Variants in RETREG1 observed in about 807,000 individuals in gnomAD.
The protein encoded by RETREG1 is family with sequence similarity 134 member B.
RETREG1 carries 44 observed loss-of-function variants against 54.8 expected under a neutral mutation model. The observed-to-expected ratio is 0.80, with a 90% confidence interval of 0.63 to 1.03. RETREG1 has a LOEUF of 1.03. Among genes scored for constraint, RETREG1 ranks in the 50% least tolerant of loss-of-function variants. The pLI is 0.00. For synonymous variants in RETREG1, 217 were observed against 238.5 expected (o/e 0.91, Z 0.83); for missense variants, 554 against 605.1 (o/e 0.92, Z 0.89).
At chr5:16,548,490 A>C (rs950978685) in intron 3 of RETREG1, among the ~76,000 whole-genome samples, 1 of 152,248 alleles carries the variant, frequency 6.6e-6, no homozygotes, top group Non-Finnish European at 1.5e-5. Flanking sequence ...ATCCACAGAA[A>C]CATAAGCAAG....
intron 3 of RETREG1, among the ~76,000 whole-genome samples, chr5:16,547,357 G>T (rs1386752165): frequency 2.0e-5 from 3 of 152,176 alleles, no homozygotes; most frequent in Non-Finnish European, 4.4e-5. Flanking sequence ...GGAAAACATA[G>T]ATGACTAATG....
At chr5:16,613,892 C>A (rs1331023927) in intron 1 of RETREG1, among the ~76,000 whole-genome samples, 1 of 151,668 alleles carries the variant, frequency 6.6e-6, no homozygotes, top group African/African-American at 2.4e-5. Context: ...TTTTAACCCC[C>A]AGAGCAACAA....
rs114006533 is a variant in RETREG1, at chr5:16,478,486, C to T, written c.808+364G>A. On this transcript the variant is annotated intron_variant, in intron 6 of 8. Coordinates refer to ENST00000306320, the MANE Select transcript of RETREG1 (RefSeq NM_001034850.3). ...ATTCTAGTTTGAGAACCTATAAGGT[C>T]ATAAGCCAAGTTAAAAAGTAAGAGA... is the stretch of plus-strand genomic sequence containing the variant. 4.4e-3 allele frequency among the ~76,000 whole-genome samples: 667 copies of T among 152,188 alleles called. 5 individuals carry two copies. Among genetic ancestry groups the T allele is most frequent in the African/African-American group, 0.015 (606 of 41,534 alleles).
At chr5:16,502,730 C>T (rs1398203886) in intron 3 of RETREG1, among the ~76,000 whole-genome samples, 1 of 152,154 alleles carries the variant, frequency 6.6e-6, no homozygotes, top group Non-Finnish European at 1.5e-5. Context: ...ACAGCTATAA[C>T]ATCCTTTAGT....
Position 16,594,536 on chromosome 5 carries a change from C to A in RETREG1, c.320+22116G>T, listed in dbSNP as rs1308980843. On this transcript the variant is annotated intron_variant, in intron 1 of 8. Coordinates refer to ENST00000306320, the MANE Select transcript of RETREG1 (RefSeq NM_001034850.3). The surrounding 1 kb of genome is among the most constrained non-coding windows in gnomAD (Gnocchi z 4.4). ...ACTCAGGAGATCAAGACCAGCCTCACCAACATGGCAAAACCCCATCTCTAC... is the reference window on the plus strand; with the variant it reads ...ACTCAGGAGATCAAGACCAGCCTCAACAACATGGCAAAACCCCATCTCTAC... 6.6e-6 allele frequency among the ~76,000 whole-genome samples: 1 copy of A among 151,920 alleles called. No homozygotes were observed. Among genetic ancestry groups the A allele is most frequent in the Non-Finnish European group, 1.5e-5 (1 of 67,998 alleles).
chr5:16,538,774 G>T (rs911259689), intron 3 of RETREG1, among the ~76,000 whole-genome samples: 1 of 151,602 alleles, frequency 6.6e-6, no homozygotes, highest in Admixed American at 6.6e-5. Context: ...GCACGATCTC[G>T]GCTCACTGCA....
At chr5:16,598,068 C>T (rs1742950791) in intron 1 of RETREG1, among the ~76,000 whole-genome samples, 1 of 152,094 alleles carries the variant, frequency 6.6e-6, no homozygotes, top group Non-Finnish European at 1.5e-5. Context: ...CCTTCCATCT[C>T]CCCACCTCCC....
At chr5:16,569,666 A>G (rs551869617) in intron 2 of RETREG1, among the ~76,000 whole-genome samples, 5 of 152,330 alleles carry the variant, frequency 3.3e-5, no homozygotes, top group African/African-American at 9.6e-5. Flanking sequence ...TTCAGATGGT[A>G]TAGGAGGCTG....
In RETREG1 at chr5:16,580,107, C is replaced by G. The variant is rs537365817; in HGVS notation, c.321-8005G>C. 2.0e-5 allele frequency among the ~76,000 whole-genome samples: 3 copies of G among 152,332 alleles called. No homozygotes were observed. In the South Asian group the frequency reaches 6.2e-4, roughly 32 times the overall value. ...CTATGCAGTTTGTTCTTGTTTGACA[C>G]GTCCTACATTCAAACCTATGGACTT... On this transcript the variant is annotated intron_variant, in intron 1 of 8. Coordinates refer to ENST00000306320, the MANE Select transcript of RETREG1 (RefSeq NM_001034850.3).
chr5:16,560,559 T>C (rs1741827589), intron 3 of RETREG1, among the ~76,000 whole-genome samples: 1 of 152,222 alleles, frequency 6.6e-6, no homozygotes, highest in African/African-American at 2.4e-5. Context: ...CCTTTCTGAC[T>C]AACCTGAGAA....
rs976095429 is a variant in RETREG1 at position 16,473,097 on chromosome 5, T to G, written c.*1644A>C. 5.9e-5 allele frequency: 9 copies of G among 152,486 alleles called. No homozygotes were observed. Among genetic ancestry groups the G allele is most frequent in the African/African-American group, 1.9e-4 (8 of 41,456 alleles). The allele number at this position is 152,486 out of a possible 1,614,324, so 9.4% of individuals were successfully genotyped here. A position where few individuals can be genotyped will look rare whatever the true frequency, so the allele number is the denominator to read the frequency against. On this transcript the variant is annotated 3_prime_UTR_variant, in exon 9 of 9. Coordinates refer to ENST00000306320, the MANE Select transcript of RETREG1 (RefSeq NM_001034850.3). ...TATTTTTCTTCCTGTCCAGAAACTG[T>G]TATTGAATAAAATTCAGGTATATTC... is the stretch of plus-strand genomic sequence containing the variant.
At chr5:16,495,994 A>G (rs1739438695) in intron 3 of RETREG1, among the ~76,000 whole-genome samples, 1 of 152,130 alleles carries the variant, frequency 6.6e-6, no homozygotes, top group African/African-American at 2.4e-5. Context: ...TTGATGTATT[A>G]GGCATGATTT....
chr5:16,490,668 T>C (rs1739207995), intron 3 of RETREG1, among the ~76,000 whole-genome samples: 1 of 152,326 alleles, frequency 6.6e-6, no homozygotes, highest in Middle Eastern at 3.4e-3. Context: ...GAGGCCCAGA[T>C]ACATTAGCTA....
chr5:16,508,960 GAGA>G (rs1740078062), intron 3 of RETREG1: 2 of 1,080,786 alleles, frequency 1.9e-6, no homozygotes, highest in South Asian at 3.4e-5. Context: ...CCAGTCCTGT[GAGA>G]AGGTGTCCCC....
chr5:16,565,742 C>T lies in RETREG1; in HGVS notation c.458+21G>A, dbSNP rs368354646. On this transcript the variant is annotated intron_variant, in intron 3 of 8. Coordinates refer to ENST00000306320, the MANE Select transcript of RETREG1 (RefSeq NM_001034850.3). The stretch of plus-strand genomic sequence containing the variant: ...CTCACCCTCCCTCCATTAAGCACAA[C>T]ACGGAAAGAAAGTTCCCTACCTTTC... 199 of 1,613,996 alleles carry T rather than the reference C, an allele frequency of 1.2e-4. 1 individual carries two copies. The African/African-American group carries it at 2.1e-3, about 17-fold the overall frequency.
intron 3 of RETREG1, among the ~76,000 whole-genome samples, chr5:16,527,780 T>C (rs1424390820): frequency 6.8e-6 from 1 of 146,542 alleles, no homozygotes; most frequent in African/African-American, 2.5e-5. Flanking sequence ...CATAGCTTAG[T>C]ACAATTTCGA....
intron 3 of RETREG1, among the ~76,000 whole-genome samples, chr5:16,507,528 T>A (rs756441635): frequency 3.9e-5 from 6 of 152,242 alleles, no homozygotes; most frequent in Non-Finnish European, 8.8e-5. Flanking sequence ...GTACTTGGTT[T>A]ACTGTGTCAT....
chr5:16,531,661 T>G (rs561459842), intron 3 of RETREG1, among the ~76,000 whole-genome samples: 1 of 152,102 alleles, frequency 6.6e-6, no homozygotes, highest in South Asian at 2.1e-4. Flanking sequence ...AAAGGATACC[T>G]TGGGCTTGGA....
At chr5:16,565,474 C>A (rs976902703) in intron 3 of RETREG1, among the ~76,000 whole-genome samples, 1 of 152,144 alleles carries the variant, frequency 6.6e-6, no homozygotes, top group African/African-American at 2.4e-5. Flanking sequence ...GAAAGGAAAT[C>A]CCAAAAGAAA....
Sources: allele counts gnomAD v4.1 joint callset (sites outside exome capture counted in the v4.1 genomes callset), GRCh38; gene constraint gnomAD v4.1.1; non-coding constraint Gnocchi (gnomAD v3.1); transcripts MANE v1.5; gene names NCBI Gene and HGNC (gene_info 2026-07-23, HGNC 2026-07-21).